The following PBX1 variants were observed in gnomAD, a reference collection of about 807,000 sequenced individuals.
The protein encoded by PBX1 is PBX homeobox 1.
Under a neutral mutation model 53.4 loss-of-function variants are expected in PBX1, and 6 were observed. That is an observed-to-expected ratio of 0.11 (90% CI 0.06 to 0.22). The LOEUF (loss-of-function observed/expected upper bound fraction) is 0.22, where lower values mean the gene tolerates loss of function less well. Among genes scored for constraint, PBX1 ranks in the 10% least tolerant of loss-of-function variants. PBX1 has a pLI of 1.00. For missense variants in PBX1, 251 were observed against 551.4 expected, an observed-to-expected ratio of 0.46 and a Z score of 5.46; for synonymous variants, 204 against 212.3, an observed-to-expected ratio of 0.96 and a Z score of 0.34.
At chr1:164,647,722 A>C (rs1462789443) in intron 2 of PBX1, among the ~76,000 whole-genome samples, 1 of 152,118 alleles carries the variant, frequency 6.6e-6, no homozygotes, top group Non-Finnish European at 1.5e-5. Context: ...CTTTTAAAAA[A>C]TATTACTGGT....
At chr1:164,857,232 C>G (rs1031763644) in intron 2 of PBX1, among the ~76,000 whole-genome samples, 4 of 152,084 alleles carry the variant, frequency 2.6e-5, no homozygotes, top group African/African-American at 9.7e-5. Context: ...CAATAATTTG[C>G]TGGAATAGCT....
chr1:164,761,168 G>C (rs1666792575), intron 2 of PBX1, among the ~76,000 whole-genome samples: 1 of 152,140 alleles, frequency 6.6e-6, no homozygotes, highest in Non-Finnish European at 1.5e-5. Context: ...ACTACTTAGG[G>C]ACACATTGGT....
At chr1:164,670,189 A>G (rs1249648846) in intron 2 of PBX1, among the ~76,000 whole-genome samples, 1 of 152,214 alleles carries the variant, frequency 6.6e-6, no homozygotes, top group Non-Finnish European at 1.5e-5. Flanking sequence ...TTACACCCTC[A>G]GGGAGGTCCA....
chr1:164,713,290 C>G (rs74117997), intron 2 of PBX1, among the ~76,000 whole-genome samples: 146 of 152,260 alleles, frequency 9.6e-4, no homozygotes, highest in African/African-American at 3.2e-3. Context: ...TCTCTAAAAT[C>G]TTGACCTCCA....
intron 2 of PBX1, among the ~76,000 whole-genome samples, chr1:164,667,174 C>T (rs971593256): frequency 6.6e-6 from 1 of 152,170 alleles, no homozygotes; most frequent in African/African-American, 2.4e-5. Context: ...CTTCATGAAC[C>T]TTGGCCTTGT....
At chr1:164,861,261 G>A (rs886723739) in intron 2 of PBX1, among the ~76,000 whole-genome samples, 1 of 152,142 alleles carries the variant, frequency 6.6e-6, no homozygotes, top group African/African-American at 2.4e-5. Context: ...TGATTACACA[G>A]CAGGTATGAA....
At chr1:164,583,362 T>G (rs1281257719) in intron 2 of PBX1, among the ~76,000 whole-genome samples, 1 of 152,190 alleles carries the variant, frequency 6.6e-6, no homozygotes, top group Non-Finnish European at 1.5e-5. Context: ...TTTGGTTTTT[T>G]GCTTCCATTC....
At chr1:164,668,671 G>T (rs1464694557) in intron 2 of PBX1, among the ~76,000 whole-genome samples, 2 of 152,128 alleles carry the variant, frequency 1.3e-5, no homozygotes, top group East Asian at 3.9e-4. Flanking sequence ...CCTTCCCCAG[G>T]CGCAGCCAAC....
At chr1:164,884,810 C>A (rs1034233497) in intron 2 of PBX1, among the ~76,000 whole-genome samples, 1 of 152,308 alleles carries the variant, frequency 6.6e-6, no homozygotes, top group East Asian at 1.9e-4. Flanking sequence ...TCTTCGCCCC[C>A]ACTAATCCAG....
chr1:164,743,866 T>C (rs1240392869), intron 2 of PBX1, among the ~76,000 whole-genome samples: 5 of 152,156 alleles, frequency 3.3e-5, no homozygotes, highest in African/African-American at 9.7e-5. Context: ...CTTACATATA[T>C]GTACAGTTAT....
chr1:164,638,205 C>T lies in PBX1; in HGVS notation c.265+74894C>T, dbSNP rs886076658. 2.6e-5 allele frequency among the ~76,000 whole-genome samples: 4 copies of T among 152,200 alleles called. No homozygotes were observed. The East Asian group carries it at 5.8e-4, about 22-fold the overall frequency. On this transcript the variant is annotated intron_variant, in intron 2 of 8. Coordinates refer to ENST00000420696, the MANE Select transcript of PBX1 (RefSeq NM_002585.4). The stretch of plus-strand genomic sequence containing the variant: ...TCATGCTGCCTAGCAACAGCGGCAG[C>T]GTGGTCACTTGCGCAGATTTCTGCG...
chr1:164,650,389 T>C (rs1659729974), intron 2 of PBX1, among the ~76,000 whole-genome samples: 1 of 152,014 alleles, frequency 6.6e-6, no homozygotes, highest in Admixed American at 6.6e-5. Flanking sequence ...CTACCATGCC[T>C]GACTAGTTTT....
At chr1:164,705,954 C>T (rs768198628) in intron 2 of PBX1, among the ~76,000 whole-genome samples, 1 of 152,108 alleles carries the variant, frequency 6.6e-6, no homozygotes. Context: ...GTCTAGTGGC[C>T]ATAGCATTTA....
At chr1:164,667,412 ATGTG>A (rs59721347) in intron 2 of PBX1, among the ~76,000 whole-genome samples, 15 of 147,466 alleles carry the variant, frequency 1.0e-4, no homozygotes, top group Admixed American at 6.2e-4. Context: ...TATGTATAAT[ATGTG>A]TGTGTGTGTG....
chr1:164,871,547 C>T (rs1160510495), intron 2 of PBX1, among the ~76,000 whole-genome samples: 2 of 152,176 alleles, frequency 1.3e-5, no homozygotes, highest in African/African-American at 4.8e-5. Context: ...TTAGGACACC[C>T]GAGTGACCCT....
chr1:164,817,356 A>G (rs1558025472), intron 6 of PBX1: 1 of 152,186 alleles, frequency 6.6e-6, no homozygotes, highest in African/African-American at 2.4e-5. Flanking sequence ...AGTGCTGGGT[A>G]GAGAACATGT....
chr1:164,617,206 C>G (rs1426352249), intron 2 of PBX1, among the ~76,000 whole-genome samples: 1 of 152,114 alleles, frequency 6.6e-6, no homozygotes, highest in East Asian at 1.9e-4. Context: ...CTAATGGGAC[C>G]AAGGTGACAA....
At chr1:164,788,964 T>C (rs1221080476) in intron 2 of PBX1, among the ~76,000 whole-genome samples, 1 of 152,194 alleles carries the variant, frequency 6.6e-6, no homozygotes, top group Non-Finnish European at 1.5e-5. Context: ...AGTATTTATT[T>C]GCAGGATTCA....
chr1:164,761,456 T>A (rs1666807355), intron 2 of PBX1, among the ~76,000 whole-genome samples: 1 of 152,156 alleles, frequency 6.6e-6, no homozygotes, highest in Non-Finnish European at 1.5e-5. Flanking sequence ...TATTCTTTTT[T>A]TTTTTTGAGA....
Sources: allele counts gnomAD v4.1 joint callset (sites outside exome capture counted in the v4.1 genomes callset), GRCh38; gene constraint gnomAD v4.1.1; transcripts MANE v1.5; gene names NCBI Gene and HGNC (gene_info 2026-07-23, HGNC 2026-07-21).